The following HNRNPL variants were observed in gnomAD, a reference collection of about 807,000 sequenced individuals.
The protein encoded by HNRNPL is heterogeneous nuclear ribonucleoprotein L, also known as epididymis secretory sperm binding protein.
A neutral mutation model predicts 64.0 loss-of-function variants in HNRNPL; 12 were observed. That is an observed-to-expected ratio of 0.19 (90% CI 0.12 to 0.30). HNRNPL has a LOEUF of 0.30. HNRNPL is among the 10% of genes least tolerant of loss of function. The pLI is 1.00. For missense variants in HNRNPL, 484 were observed against 797.4 expected, an observed-to-expected ratio of 0.61 and a Z score of 4.73; for synonymous variants, 385 against 313.0, an observed-to-expected ratio of 1.23 and a Z score of -2.43.
upstream of HNRNPL, among the ~76,000 whole-genome samples, chr19:38,851,454 CTA>C (rs1190153571): frequency 2.0e-5 from 3 of 152,158 alleles, no homozygotes; most frequent in African/African-American, 7.2e-5. Context: ...CTTAGCGAAG[CTA>C]TTGGCAAGTG....
At chr19:38,840,662 C>T (rs1423097417) in intron 6 of HNRNPL, 103 bp from the exon 7 acceptor site, 3 of 873,664 alleles carry the variant, frequency 3.4e-6, no homozygotes, top group Non-Finnish European at 5.5e-6. Flanking sequence ...CTGCCAACTG[C>T]AAGCCCTCCC....
chr19:38,842,105 ATTT>A (rs10624642), intron 6 of HNRNPL: 255 of 132,916 alleles, frequency 1.9e-3, no homozygotes, highest in African/African-American at 6.9e-3. Flanking sequence ...TGTGGTTAAA[ATTT>A]TTTTTTTTTT....
At chr19:38,841,273 T>C in intron 6 of HNRNPL, 1 of 327,094 alleles carries the variant, frequency 3.1e-6, no homozygotes, top group South Asian at 2.5e-5. Context: ...CTAAGCGCTT[T>C]ACAGACATCA....
At position 38,838,879 on chromosome 19, in the gene HNRNPL, A is replaced by C; in HGVS notation, c.1355+15T>G. ...CCCCTGTACCTCTGCTGCCCTCCCG[A>C]GCCTGAGCACCTACCAGACATTCAG... On this transcript the variant is annotated intron_variant, in intron 9 of 12. Coordinates refer to ENST00000221419, the MANE Select transcript of HNRNPL (RefSeq NM_001533.3). The C allele has an allele frequency of 6.2e-7, 1 of 1,613,900 alleles. No individual in the cohort carries two copies. Among genetic ancestry groups the C allele is most frequent in the South Asian group, 1.1e-5 (1 of 91,058 alleles).
At position 38,849,499 on chromosome 19, in the gene HNRNPL, C is replaced by G. The variant is rs1051580122; in HGVS notation, c.267+201G>C. On this transcript the variant is annotated intron_variant, in intron 1 of 12. Transcript: ENST00000221419. ...TTCCTCTGCGCTCCCCCACACCCCGCTCCGGACCCCGCGCACGCGCAGGCG... is the reference window on the plus strand; with the variant it reads ...TTCCTCTGCGCTCCCCCACACCCCGGTCCGGACCCCGCGCACGCGCAGGCG... 8 of 685,166 alleles carry G rather than the reference C, an allele frequency of 1.2e-5. No homozygotes were observed. The East Asian group carries it at 2.5e-4, about 21-fold the overall frequency. 42.4% of individuals were successfully genotyped at this position (685,166 alleles called of 1,614,324 possible). A position where few individuals can be genotyped will look rare whatever the true frequency, so the allele number is the denominator to read the frequency against.
Position 38,843,753 on chromosome 19 carries a change from T to C in HNRNPL, c.880+89A>G, listed in dbSNP as rs1353127594. On this transcript the variant is annotated intron_variant, in intron 6 of 12. Transcript: ENST00000221419. ...ATGTCCATGGGGGGCCCAATGGCAT[T>C]ACATAACCCTGAGCCCAGGCCTATT... is the stretch of plus-strand genomic sequence containing the variant. The C allele has an allele frequency of 2.7e-6, 3 of 1,104,420 alleles. No individual in the cohort carries two copies. In the African/African-American group the frequency reaches 4.6e-5, roughly 17 times the overall value. 68.4% of individuals were successfully genotyped at this position (1,104,420 alleles called of 1,614,324 possible).
chr19:38,848,914 C>A (rs1972397620), intron 1 of HNRNPL, among the ~76,000 whole-genome samples: 2 of 152,170 alleles, frequency 1.3e-5, no homozygotes, highest in African/African-American at 4.8e-5. Context: ...AATAGGCGGC[C>A]CTGTAAGACT....
chr19:38,839,142 T>C (rs1013670714), intron 8 of HNRNPL, 127 bp from the exon 9 acceptor site: 65 of 1,177,662 alleles, frequency 5.5e-5, no homozygotes, highest in Non-Finnish European at 7.5e-5. Context: ...TCGGGACCAC[T>C]AGAAAAACAT....
intron 8 of HNRNPL, 92 bp downstream of exon 8, chr19:38,840,004 C>T (rs1395793504): frequency 7.1e-6 from 9 of 1,258,932 alleles, no homozygotes; most frequent in Admixed American, 7.1e-5. Context: ...GCCCGCCCAG[C>T]GCCACACCAG....
chr19:38,846,134 GAC>G, intron 2 of HNRNPL, 44 bp from the exon 3 acceptor site: 1 of 1,389,824 alleles, frequency 7.2e-7, no homozygotes, highest in Non-Finnish European at 1.0e-6. Context: ...GGAAAATGTA[GAC>G]AGGAGGAGGG....
At chr19:38,840,036 G>A (rs966759057) in intron 8 of HNRNPL, 60 bp downstream of exon 8, 48 of 1,551,120 alleles carry the variant, frequency 3.1e-5, no homozygotes, top group Middle Eastern at 3.4e-4. Flanking sequence ...GTTCTTTCCC[G>A]TGCTGACTGG....
rs1288932849 is a variant in HNRNPL, at chr19:38,840,527, T to G, written c.913A>C (p.Arg305=). Residue 305 remains arginine (R), a synonymous_variant, in exon 7 of 13, where the codon AGG becomes CGG. Transcript: ENST00000221419. ...TGATCTCCCAGGAGAGGGGGCTGCC[T>G]CTGGCGTTTGTTGGGGTTGCTGCCA... ...DPGSNPNKRQ[R]QPPLLGDHPA... is the part of the protein sequence containing the mutation. 2.5e-6 allele frequency: 4 copies of G among 1,592,954 alleles called. No homozygotes were observed. The highest frequency in any genetic ancestry group is 3.4e-6 in the Non-Finnish European group (4 of 1,170,548).
At chr19:38,848,250 C>G (rs1972368605) in intron 1 of HNRNPL, among the ~76,000 whole-genome samples, 1 of 152,154 alleles carries the variant, frequency 6.6e-6, no homozygotes, top group Non-Finnish European at 1.5e-5. Flanking sequence ...GCCACCACAC[C>G]TGGCTAATTT....
In HNRNPL at chr19:38,849,779, G is replaced by C. The variant is rs1293632184; in HGVS notation, c.188C>G (p.Thr63Ser). ...EGGRAPKRLK[T>S]DNAGDQHGGG... ...TCCGTGCTGGTCGCCGGCGTTGTCA[G>C]TCTTGAGCCGCTTAGGGGCCCGGCC... Residue 63 changes from threonine to serine, a missense_variant, in exon 1 of 13, where the codon ACT becomes AGT. This residue lies in a region of HNRNPL where 190 missense variants were observed against 160.1 expected (regional missense o/e 1.19). Transcript: ENST00000221419. 1.4e-6 allele frequency: 2 copies of C among 1,431,794 alleles called. No homozygotes were observed. The highest frequency in any genetic ancestry group is 5.7e-5 in the East Asian group (2 of 34,892). The allele number at this position is 1,431,794 out of a possible 1,614,324, so 88.7% of individuals were successfully genotyped here.
chr19:38,844,712 CTTT>C (rs11450081), intron 4 of HNRNPL: 4 of 135,514 alleles, frequency 3.0e-5, no homozygotes, highest in Non-Finnish European at 6.3e-5. Flanking sequence ...CATGCCCCAC[CTTT>C]TTTTTTTTTT....
At chr19:38,837,024 C>T in intron 12 of HNRNPL, 1 of 546,216 alleles carries the variant, frequency 1.8e-6, no homozygotes, top group Non-Finnish European at 3.2e-6. Flanking sequence ...GGCAATGGGC[C>T]TCTCCCAGCA....
At chr19:38,842,700 C>T (rs991410759) in intron 6 of HNRNPL, among the ~76,000 whole-genome samples, 3 of 151,976 alleles carry the variant, frequency 2.0e-5, no homozygotes, top group Non-Finnish European at 4.4e-5. Context: ...TGAGGGGTGG[C>T]GAAGCACCGC....
intron 4 of HNRNPL, 175 bp downstream of exon 4, chr19:38,845,475 G>T (rs920293770): frequency 4.8e-6 from 3 of 626,550 alleles, no homozygotes; most frequent in Non-Finnish European, 8.6e-6. Context: ...ACGTCCACAC[G>T]ATATGCCTGG....
intron 1 of HNRNPL, among the ~76,000 whole-genome samples, chr19:38,848,565 C>T (rs554759726): frequency 6.6e-6 from 1 of 152,356 alleles, no homozygotes; most frequent in African/African-American, 2.4e-5. Context: ...CTGAGAATCA[C>T]TGGGCAGAAG....
Sources: allele counts gnomAD v4.1 joint callset (sites outside exome capture counted in the v4.1 genomes callset), GRCh38; gene constraint gnomAD v4.1.1; regional missense constraint gnomAD v4.1.1; transcripts MANE v1.5; gene names NCBI Gene and HGNC (gene_info 2026-07-23, HGNC 2026-07-21).